TRPV3: variants seen among roughly 807,000 people sequenced by gnomAD.
TRPV3 encodes transient receptor potential cation channel subfamily V member 3.
In TRPV3, 88 loss-of-function variants were observed where a neutral mutation model predicts 87.1. The observed-to-expected ratio is 1.01, with a 90% confidence interval of 0.85 to 1.21. The LOEUF is 1.21. Among genes scored for constraint, TRPV3 ranks in the 50% most tolerant of loss-of-function variants. The pLI is 0.00. For synonymous variants in TRPV3, 438 were observed against 423.3 expected (o/e 1.03, Z -0.43); for missense variants, 1,054 against 1,030.1 (o/e 1.02, Z -0.32).
chr17:3,546,444 A>C (rs913353218), intron 2 of TRPV3, among the ~76,000 whole-genome samples: 2 of 152,006 alleles, frequency 1.3e-5, no homozygotes, highest in Non-Finnish European at 2.9e-5. Context: ...TCTATCTCAA[A>C]AAACAAACAA....
intron 16 of TRPV3, among the ~76,000 whole-genome samples, chr17:3,515,192 G>A (rs563933289): frequency 6.6e-6 from 1 of 152,324 alleles, no homozygotes; most frequent in South Asian, 2.1e-4. Context: ...TCTCTAGAGT[G>A]AGGGTGGCAA....
At chr17:3,545,824 C>CG (rs767391003) in intron 2 of TRPV3, among the ~76,000 whole-genome samples, 1 of 124,588 alleles carries the variant, frequency 8.0e-6, no homozygotes, top group African/African-American at 3.2e-5. Context: ...ACTTAAAATG[C>CG]AAAAAAAAAA....
In TRPV3 at chr17:3,543,608, T is replaced by C. The variant is rs1247030813; in HGVS notation, c.332A>G (p.Glu111Gly). Residue 111 changes from glutamate to glycine, a missense_variant, in exon 5 of 18, where the codon GAG becomes GGG. Transcript: ENST00000576742. ...CAGCCGCCTCTTTTTCCTCCTCTGC[T>C]CTTCCTTGGCCAGCTGTGCACTGAA... ...NSPSAQLAKEEQRRKKRRLKK... is the reference protein window; with the variant it reads ...NSPSAQLAKEGQRRKKRRLKK... 6.2e-7 allele frequency: 1 copy of C among 1,614,032 alleles called. No individual in the cohort carries two copies. Among genetic ancestry groups the C allele is most frequent in the African/African-American group, 1.3e-5 (1 of 74,934 alleles).
At chr17:3,521,534 A>G (rs1409546648) in intron 13 of TRPV3, among the ~76,000 whole-genome samples, 1 of 152,246 alleles carries the variant, frequency 6.6e-6, no homozygotes, top group African/African-American at 2.4e-5. Context: ...CTAAGAGAAT[A>G]GATCATAAAT....
At chr17:3,523,718 C>CAAAA (rs201681037) in intron 13 of TRPV3, among the ~76,000 whole-genome samples, 1 of 78,634 alleles carries the variant, frequency 1.3e-5, no homozygotes. Context: ...ACTTGGTCTC[C>CAAAA]AAAAAAAAAA....
intron 5 of TRPV3, 61 bp from the exon 6 acceptor site, chr17:3,542,759 C>T: frequency 1.3e-6 from 2 of 1,556,016 alleles, no homozygotes; most frequent in Non-Finnish European, 8.7e-7. Context: ...GCCCTCCCAG[C>T]CCAGAGGGTG....
chr17:3,543,174 C>T (rs1466047761), intron 5 of TRPV3, among the ~76,000 whole-genome samples: 1 of 152,090 alleles, frequency 6.6e-6, no homozygotes, highest in East Asian at 1.9e-4. Context: ...ATGCTACTGG[C>T]CGAGGAGCTG....
intron 9 of TRPV3, among the ~76,000 whole-genome samples, chr17:3,529,297 T>G (rs1306571712): frequency 6.6e-6 from 1 of 151,998 alleles, no homozygotes; most frequent in Non-Finnish European, 1.5e-5. Flanking sequence ...AGCCCCAGTT[T>G]GCTCCTCCTT....
chr17:3,531,081 AAC>A (rs1034170788), intron 8 of TRPV3, among the ~76,000 whole-genome samples: 10 of 145,102 alleles, frequency 6.9e-5, no homozygotes, highest in African/African-American at 2.8e-4. Flanking sequence ...AAAACAAACA[AAC>A]AAAAAAACCA....
intron 5 of TRPV3, 24 bp downstream of exon 5, chr17:3,543,450 C>T: frequency 1.2e-6 from 2 of 1,610,976 alleles, no homozygotes; most frequent in Non-Finnish European, 1.7e-6. Context: ...AGCCCTGCAC[C>T]CTCTGCCAGG....
At chr17:3,555,032 TC>T (rs1381391484) in intron 1 of TRPV3, among the ~76,000 whole-genome samples, 180 bp from the exon 2 acceptor site, 1 of 151,966 alleles carries the variant, frequency 6.6e-6, no homozygotes, top group Non-Finnish European at 1.5e-5. Flanking sequence ...CCCCAAAGCT[TC>T]CCCAGCTCCC....
At position 3,523,664 on chromosome 17, in the gene TRPV3, G is replaced by A. The variant is rs188314783; in HGVS notation, c.1743+534C>T. On this transcript the variant is annotated intron_variant, in intron 13 of 17. Coordinates refer to ENST00000576742, the MANE Select transcript of TRPV3 (RefSeq NM_145068.4). ...ACCCAGGAGGCAGAGGTTGCAGGGAGCCGAGATCGCACCACTTTACTCTGG... is the reference window on the plus strand; with the variant it reads ...ACCCAGGAGGCAGAGGTTGCAGGGAACCGAGATCGCACCACTTTACTCTGG... 2.5e-4 allele frequency among the ~76,000 whole-genome samples: 37 copies of A among 149,654 alleles called. No individual in the cohort carries two copies. In the East Asian group the frequency reaches 4.9e-3, roughly 20 times the overall value.
Position 3,557,049 on chromosome 17 carries a change from G to A in TRPV3, c.-3+627C>T, listed in dbSNP as rs117107643. On this transcript the variant is annotated intron_variant, in intron 1 of 17. Coordinates refer to ENST00000576742, the MANE Select transcript of TRPV3 (RefSeq NM_145068.4). This position sits in a 1 kb window ranked among gnomAD's most constrained non-coding sequence, Gnocchi z 4.5. The stretch of plus-strand genomic sequence containing the variant: ...TGGCCTGCCCTGGGCCTCTGGGGCA[G>A]GAGAGGCTCAGGGAACTCTGGACTA... Among the ~76,000 whole-genome samples the A allele has an allele frequency of 2.2e-4, 34 of 152,120 alleles. No individual in the cohort carries two copies. The East Asian group carries it at 6.6e-3, about 29-fold the overall frequency.
At chr17:3,555,596 C>T (rs2074620558) in intron 1 of TRPV3, among the ~76,000 whole-genome samples, 1 of 152,188 alleles carries the variant, frequency 6.6e-6, no homozygotes, top group Non-Finnish European at 1.5e-5. Context: ...CAGTCCAGAC[C>T]TGCTTTACTG....
rs2150776848 is a variant in TRPV3, at chr17:3,514,631, G to A, written c.2240C>T (p.Ser747Phe). The A allele has an allele frequency of 6.2e-7, 1 of 1,614,106 alleles. No individual in the cohort carries two copies. Among genetic ancestry groups the A allele is most frequent in the South Asian group, 1.1e-5 (1 of 91,078 alleles). Residue 747 changes from serine to phenylalanine, a missense_variant, in exon 17 of 18, where the codon TCC (serine) becomes TTC (phenylalanine). Transcript: ENST00000576742. The stretch of plus-strand genomic sequence containing the variant: ...AGGCCCCGGGTCTTCGTTAAGGAAG[G>A]AGACGTGCGTCTTCCATTCAGTCCA... ...VKWTEWKTHV[S>F]FLNEDPGPVR...
chr17:3,550,852 G>C (rs911750552), intron 2 of TRPV3, among the ~76,000 whole-genome samples: 4 of 152,116 alleles, frequency 2.6e-5, no homozygotes, highest in East Asian at 1.9e-4. Flanking sequence ...TGACTCATCT[G>C]CTTACTCAAA....
intron 4 of TRPV3, among the ~76,000 whole-genome samples, chr17:3,544,300 C>A (rs983957348): frequency 3.3e-5 from 5 of 152,254 alleles, no homozygotes; most frequent in African/African-American, 1.2e-4. Flanking sequence ...AGCCCTGCAC[C>A]TGGCTATGTA....
At chr17:3,552,862 C>T (rs2074592098) in intron 2 of TRPV3, 1 of 152,296 alleles carries the variant, frequency 6.6e-6, no homozygotes, top group African/African-American at 2.4e-5. Flanking sequence ...TCCTTGCCAG[C>T]TTAGCTCAGG....
In TRPV3 at chr17:3,528,116, T is replaced by C. The variant is rs755922797; in HGVS notation, c.1412A>G (p.His471Arg). ...YRPREEEAIP[H>R]PLALTHKMGW... ...CATCTTGTGCGTCAGGGCCAAGGGG[T>C]GCGGGATGGCCTGCAGGGAAAGAAG... The change falls in exon 11 of 18, where the codon CAC (histidine) becomes CGC (arginine). Residue 471 changes from histidine to arginine, a missense_variant. Transcript: ENST00000576742. This position sits in a 1 kb window ranked among gnomAD's most constrained non-coding sequence, Gnocchi z 4.2. 6.2e-7 allele frequency: 1 copy of C among 1,612,354 alleles called. No individual in the cohort carries two copies. Among genetic ancestry groups the C allele is most frequent in the Non-Finnish European group, 8.5e-7 (1 of 1,179,378 alleles).
Sources: gnomAD v4.1 joint callset for allele counts (sites outside exome capture counted in the v4.1 genomes callset) on GRCh38, gnomAD v4.1.1 for gene constraint, Gnocchi (gnomAD v3.1) non-coding constraint, MANE v1.5 for transcripts, NCBI Gene and HGNC (gene_info 2026-07-23, HGNC 2026-07-21) for gene names.